Variants in RBFOX1 observed in about 807,000 individuals in gnomAD.
RBFOX1 encodes RNA binding protein fox-1 homolog 1.
Under a neutral mutation model 57.7 loss-of-function variants are expected in RBFOX1, and 8 were observed. That is an observed-to-expected ratio of 0.14 (90% CI 0.08 to 0.25). RBFOX1 has a LOEUF of 0.25. RBFOX1 is among the 10% of genes least tolerant of loss of function. The pLI, the probability that RBFOX1 is intolerant of heterozygous loss-of-function variation, is 1.00. For missense variants in RBFOX1, 611 were observed against 548.5 expected, an observed-to-expected ratio of 1.11 and a Z score of -1.14; for synonymous variants, 326 against 222.4, an observed-to-expected ratio of 1.47 and a Z score of -4.15.
intron 4 of RBFOX1, among the ~76,000 whole-genome samples, chr16:5,981,025 C>A (rs561712674): frequency 1.3e-5 from 2 of 152,178 alleles, no homozygotes; most frequent in African/African-American, 4.8e-5. Flanking sequence ...ACGGAAAATG[C>A]GCATCAGACT....
intron 3 of RBFOX1, among the ~76,000 whole-genome samples, chr16:6,754,560 C>A (rs974025915): frequency 6.6e-6 from 1 of 152,164 alleles, no homozygotes; most frequent in African/African-American, 2.4e-5. Flanking sequence ...CATAGAATTT[C>A]TCTCTACAAA....
chr16:6,217,380 G>A (rs1391833906), intron 1 of RBFOX1, among the ~76,000 whole-genome samples: 1 of 151,590 alleles, frequency 6.6e-6, no homozygotes, highest in Non-Finnish European at 1.5e-5. Flanking sequence ...AGGGGAGGAT[G>A]TCTCCTACAG....
intron 3 of RBFOX1, among the ~76,000 whole-genome samples, chr16:6,940,438 C>G (rs901945263): frequency 2.6e-5 from 4 of 152,088 alleles, no homozygotes; most frequent in Admixed American, 2.6e-4. Flanking sequence ...TTCTCTCTGT[C>G]CACACAGCAA....
chr16:7,088,652 T>G (rs2060346653), intron 4 of RBFOX1, among the ~76,000 whole-genome samples: 1 of 152,212 alleles, frequency 6.6e-6, no homozygotes, highest in African/African-American at 2.4e-5. Flanking sequence ...TAATCTAGCA[T>G]GAATGGTTTA....
intron 3 of RBFOX1, among the ~76,000 whole-genome samples, chr16:5,628,983 C>T (rs2048423447): frequency 6.6e-6 from 1 of 152,186 alleles, no homozygotes; most frequent in Non-Finnish European, 1.5e-5. Context: ...ACAGAGTAAA[C>T]TGTGAGTGCG....
chr16:5,661,317 C>T, intron 3 of RBFOX1, among the ~76,000 whole-genome samples: 1 of 152,172 alleles, frequency 6.6e-6, no homozygotes. Flanking sequence ...GTCACCTCTG[C>T]TTTACCTACA....
At chr16:6,459,207 G>A (rs551250493) in intron 2 of RBFOX1, among the ~76,000 whole-genome samples, 1 of 152,280 alleles carries the variant, frequency 6.6e-6, no homozygotes, top group South Asian at 2.1e-4. Context: ...ATGGTGGCGG[G>A]TGCCTGTAGT....
At chr16:7,184,696 G>A (rs962085253) in intron 4 of RBFOX1, among the ~76,000 whole-genome samples, 2 of 152,144 alleles carry the variant, frequency 1.3e-5, no homozygotes, top group East Asian at 3.9e-4. Flanking sequence ...CTGATTATGA[G>A]CTCTTGTGAA....
At chr16:7,472,113 C>G (rs1011412216) in intron 4 of RBFOX1, among the ~76,000 whole-genome samples, 1 of 152,120 alleles carries the variant, frequency 6.6e-6, no homozygotes, top group Non-Finnish European at 1.5e-5. Context: ...ATTAAAAAAT[C>G]GAAGAATATA....
chr16:6,185,207 C>G lies in RBFOX1; in HGVS notation c.-126-131788C>G, dbSNP rs959067836. Among the ~76,000 whole-genome samples the G allele has an allele frequency of 2.6e-5, 4 of 152,274 alleles. No individual in the cohort carries two copies. In the East Asian group the frequency reaches 7.7e-4, roughly 29 times the overall value. The stretch of plus-strand genomic sequence containing the variant: ...ATATATTCAACATTTAAAAAAATTA[C>G]CCTGTGACTCTATTTCCTCTCCATC... On this transcript the variant is annotated intron_variant, in intron 1 of 15. Transcript: ENST00000550418.
At chr16:6,576,250 CCACTCTGGTCA>C (rs1475817781) in intron 2 of RBFOX1, among the ~76,000 whole-genome samples, 3 of 152,134 alleles carry the variant, frequency 2.0e-5, no homozygotes, top group African/African-American at 7.2e-5. Flanking sequence ...AAGGCAGGGA[CCACTCTGGTCA>C]GGATGTGCTG....
chr16:5,993,558 A>C (rs62015774), intron 4 of RBFOX1, among the ~76,000 whole-genome samples: 1 of 151,240 alleles, frequency 6.6e-6, no homozygotes, highest in East Asian at 1.9e-4. Context: ...GTCTGTGTTC[A>C]TTGAAATGTT....
intron 4 of RBFOX1, among the ~76,000 whole-genome samples, chr16:7,495,371 T>C (rs1333331914): frequency 1.3e-5 from 2 of 152,248 alleles, no homozygotes; most frequent in Non-Finnish European, 2.9e-5. Context: ...AGCTCTGTTT[T>C]AAGTTCTTTG....
At chr16:7,626,459 C>T (rs761899154) in intron 10 of RBFOX1, among the ~76,000 whole-genome samples, 1 of 152,064 alleles carries the variant, frequency 6.6e-6, no homozygotes, top group Non-Finnish European at 1.5e-5. Flanking sequence ...GTGGGGATGC[C>T]GATGATCCCG....
intron 3 of RBFOX1, among the ~76,000 whole-genome samples, chr16:5,787,644 G>A (rs1237779421): frequency 6.6e-6 from 1 of 152,200 alleles, no homozygotes; most frequent in Non-Finnish European, 1.5e-5. Context: ...TGTAGAAAAG[G>A]TGACAAAGAG....
intron 4 of RBFOX1, among the ~76,000 whole-genome samples, chr16:7,394,882 C>G (rs2098116187): frequency 6.6e-6 from 1 of 152,184 alleles, no homozygotes; most frequent in African/African-American, 2.4e-5. Context: ...TCCCACCCTC[C>G]TTGCCGTCCC....
chr16:5,941,944 A>G (rs1200447445), intron 4 of RBFOX1, among the ~76,000 whole-genome samples: 1 of 151,658 alleles, frequency 6.6e-6, no homozygotes, highest in Non-Finnish European at 1.5e-5. Flanking sequence ...CTAGATAACA[A>G]CGACCACCAT....
chr16:6,303,277 C>T (rs570420028), intron 1 of RBFOX1, among the ~76,000 whole-genome samples: 4 of 152,106 alleles, frequency 2.6e-5, no homozygotes, highest in East Asian at 1.9e-4. Context: ...GACATCTTCC[C>T]GGGTCTGAAT....
chr16:7,643,626 A>G (rs938696962), intron 11 of RBFOX1, among the ~76,000 whole-genome samples: 1 of 152,186 alleles, frequency 6.6e-6, no homozygotes, highest in Non-Finnish European at 1.5e-5. Flanking sequence ...CCTGCTCACT[A>G]ACTCTACAGA....
Sources: gnomAD v4.1 joint callset for allele counts (sites outside exome capture counted in the v4.1 genomes callset) on GRCh38, gnomAD v4.1.1 for gene constraint, MANE v1.5 for transcripts, NCBI Gene and HGNC (gene_info 2026-07-23, HGNC 2026-07-21) for gene names.